THSD4: variants seen among roughly 807,000 people sequenced by gnomAD.
THSD4 encodes thrombospondin type 1 domain containing 4.
In THSD4, 69 loss-of-function variants were observed where a neutral mutation model predicts 119.0. The ratio of observed to expected loss-of-function variants is 0.58; its 90% CI spans 0.48 to 0.71. The LOEUF (loss-of-function observed/expected upper bound fraction) is 0.71, where lower values mean the gene tolerates loss of function less well. Among genes scored for constraint, THSD4 ranks in the 30% least tolerant of loss-of-function variants. The pLI, the probability that THSD4 is intolerant of heterozygous loss-of-function variation, is 0.00. For missense variants in THSD4, 1,393 were observed against 1,391.1 expected (o/e 1.00, Z -0.02); for synonymous variants, 524 against 540.4 (o/e 0.97, Z 0.42).
At chr15:71,665,581 G>A (rs989255417) in intron 8 of THSD4, among the ~76,000 whole-genome samples, 2 of 152,128 alleles carry the variant, frequency 1.3e-5, no homozygotes, top group African/African-American at 4.8e-5. Flanking sequence ...TAGTTCCTGT[G>A]TCCAGAATGG....
chr15:71,592,639 G>A (rs1225749748), intron 7 of THSD4, among the ~76,000 whole-genome samples: 1 of 151,822 alleles, frequency 6.6e-6, no homozygotes, highest in Admixed American at 6.5e-5. Context: ...TTTATAGATA[G>A]GTCTGGGAAC....
intron 7 of THSD4, among the ~76,000 whole-genome samples, chr15:71,432,499 T>C (rs2046955908): frequency 6.7e-6 from 1 of 148,374 alleles, no homozygotes; most frequent in African/African-American, 2.5e-5. Context: ...ATGAAGCATA[T>C]ATAATCTGTT....
At chr15:71,181,997 C>T (rs546443017) in intron 3 of THSD4, among the ~76,000 whole-genome samples, 2 of 152,140 alleles carry the variant, frequency 1.3e-5, no homozygotes, top group Non-Finnish European at 2.9e-5. Flanking sequence ...TCAGAGGAAG[C>T]GGACACTGGG....
intron 6 of THSD4, among the ~76,000 whole-genome samples, chr15:71,270,968 A>G (rs1158344625): frequency 6.6e-6 from 1 of 152,082 alleles, no homozygotes; most frequent in Non-Finnish European, 1.5e-5. Context: ...GTAGCAAGGG[A>G]GTACAGATTT....
intron 6 of THSD4, among the ~76,000 whole-genome samples, chr15:71,379,079 C>T (rs62015549): frequency 0.067 from 10,253 of 152,250 alleles, 436 homozygotes; most frequent in Non-Finnish European, 0.1. Context: ...CCACCATGCC[C>T]GGCCAGAGGG....
At chr15:71,289,820 G>A (rs2044767183) in intron 6 of THSD4, among the ~76,000 whole-genome samples, 1 of 152,038 alleles carries the variant, frequency 6.6e-6, no homozygotes, top group Non-Finnish European at 1.5e-5. Flanking sequence ...AATAGGAAAA[G>A]TCAAAATAAA....
intron 11 of THSD4, among the ~76,000 whole-genome samples, chr15:71,740,159 T>A (rs547568602): frequency 1.3e-5 from 2 of 152,304 alleles, no homozygotes; most frequent in African/African-American, 4.8e-5. Flanking sequence ...GACTGCAGAT[T>A]CATTGGACCA....
At chr15:71,218,702 A>G (rs2043954030) in intron 4 of THSD4, among the ~76,000 whole-genome samples, 1 of 152,220 alleles carries the variant, frequency 6.6e-6, no homozygotes, top group Non-Finnish European at 1.5e-5. Flanking sequence ...CTTGCATAGT[A>G]TATTTGACCC....
chr15:71,692,725 G>GT (rs1310991564), intron 8 of THSD4, among the ~76,000 whole-genome samples: 2 of 152,204 alleles, frequency 1.3e-5, no homozygotes. Context: ...GGGAGGCAGA[G>GT]AGTGGCACCA....
chr15:71,606,005 G>C (rs1302478026), intron 7 of THSD4, among the ~76,000 whole-genome samples: 2 of 152,138 alleles, frequency 1.3e-5, no homozygotes, highest in African/African-American at 4.8e-5. Flanking sequence ...GCAGGGAGGA[G>C]TCATCACCTG....
Position 71,379,461 on chromosome 15 carries a change from T to A in THSD4, c.1016-32226T>A, listed in dbSNP as rs1043746456. On this transcript the variant is annotated intron_variant, in intron 6 of 17. Transcript: ENST00000261862. ...GAAGCAAATGGCTTCTTTTTTTTTT[T>A]TTTTTTTTTTTTTTTGAGATGGAGT... Among the ~76,000 whole-genome samples the A allele has an allele frequency of 5.7e-3, 763 of 134,634 alleles. 8 individuals carry two copies. Among genetic ancestry groups the A allele is most frequent in the African/African-American group, 0.02 (732 of 36,338 alleles). 88.3% of individuals were successfully genotyped at this position (134,634 alleles called of 152,430 possible). A position where few individuals can be genotyped will look rare whatever the true frequency, so the allele number is the denominator to read the frequency against.
chr15:71,348,576 CT>C (rs2140401821), intron 6 of THSD4: 1 of 152,350 alleles, frequency 6.6e-6, no homozygotes, highest in Non-Finnish European at 1.5e-5. Flanking sequence ...GAGCTTAGCT[CT>C]TAGTTGTGTT....
At chr15:71,356,385 G>A (rs1201620387) in intron 6 of THSD4, among the ~76,000 whole-genome samples, 15 of 152,112 alleles carry the variant, frequency 9.9e-5, no homozygotes, top group Non-Finnish European at 2.2e-4. Context: ...AGTCCAACAT[G>A]GCAGGAGGGC....
At chr15:71,502,333 A>C (rs953918496) in intron 7 of THSD4, among the ~76,000 whole-genome samples, 17 of 152,230 alleles carry the variant, frequency 1.1e-4, no homozygotes, top group African/African-American at 4.1e-4. Context: ...ATGAACTAGG[A>C]GTGCTAAAGT....
chr15:71,431,144 A>G (rs2046938903), intron 7 of THSD4, among the ~76,000 whole-genome samples: 1 of 152,234 alleles, frequency 6.6e-6, no homozygotes, highest in African/African-American at 2.4e-5. Context: ...TTTAAGAGGA[A>G]TAAAAGGAAG....
chr15:71,454,524 C>A (rs1861410835), intron 7 of THSD4, among the ~76,000 whole-genome samples: 1 of 152,170 alleles, frequency 6.6e-6, no homozygotes, highest in Non-Finnish European at 1.5e-5. Context: ...CCGCGTGTGA[C>A]ACCTCGCTCT....
chr15:71,697,658 C>T (rs532807863), intron 8 of THSD4, among the ~76,000 whole-genome samples: 8 of 152,276 alleles, frequency 5.3e-5, no homozygotes, highest in East Asian at 1.9e-4. Flanking sequence ...CAGTCCAAAA[C>T]GCACCATGTA....
At chr15:71,634,767 G>C (rs1452124318) in intron 7 of THSD4, among the ~76,000 whole-genome samples, 1 of 152,232 alleles carries the variant, frequency 6.6e-6, no homozygotes, top group South Asian at 2.1e-4. Flanking sequence ...CAAGTTCAAA[G>C]AGAAGGTCAT....
Position 71,242,969 on chromosome 15 carries a change from G to A in THSD4, c.785G>A (p.Ser262Asn), listed in dbSNP as rs866515056. 1 of 1,614,158 alleles carries A rather than the reference G, an allele frequency of 6.2e-7. No homozygotes were observed. The highest frequency in any genetic ancestry group is 8.5e-7 in the Non-Finnish European group (1 of 1,180,040). ...CCTGCAGCTTCAAGTCTCTTTCACA[G>A]CCCAGAAACAAGCAACAACCACGGT... ...GYPAASSLFHSPETSNNHGVG... is the reference protein window; with the variant it reads ...GYPAASSLFHNPETSNNHGVG... Residue 262 changes from serine (S) to asparagine (N), a missense_variant, in exon 5 of 18, where the codon AGC becomes AAC. Ser to Asn is a conservative substitution (Grantham distance 46). Coordinates refer to ENST00000261862, the MANE Select transcript of THSD4 (RefSeq NM_024817.3).
Sources: gnomAD v4.1 joint callset for allele counts (sites outside exome capture counted in the v4.1 genomes callset) on GRCh38, gnomAD v4.1.1 for gene constraint, MANE v1.5 for transcripts, NCBI Gene and HGNC (gene_info 2026-07-23, HGNC 2026-07-21) for gene names.